The following ULK2 variants were observed in gnomAD, a reference collection of about 807,000 sequenced individuals.
ULK2 encodes serine/threonine-protein kinase ULK2.
In ULK2, 76 loss-of-function variants were observed where a neutral mutation model predicts 127.5. That is an observed-to-expected ratio of 0.60 (90% CI 0.50 to 0.72). The LOEUF (loss-of-function observed/expected upper bound fraction) is 0.72. Ranked by LOEUF, ULK2 falls within the 30% of genes least tolerant of loss-of-function variation. The pLI is 0.00. For missense variants in ULK2, 1,144 were observed against 1,295.9 expected, an observed-to-expected ratio of 0.88 and a Z score of 1.80; for synonymous variants, 452 against 461.9, an observed-to-expected ratio of 0.98 and a Z score of 0.28.
intron 10 of ULK2, among the ~76,000 whole-genome samples, chr17:19,827,910 C>CA (rs777107343): frequency 2.3e-3 from 215 of 92,210 alleles, no homozygotes; most frequent in Admixed American, 5.1e-3. Context: ...AACTCTGTCT[C>CA]AAAAAAAAAA....
Position 19,773,546 on chromosome 17 carries a change from A to G in ULK2, c.*2803T>C, listed in dbSNP as rs1013375790. ...GTTGTTTCTCTCAACTAAAGTTATC[A>G]AAATTGGGTGTTGTAATTTTTAACT... On this transcript the variant is annotated 3_prime_UTR_variant, in exon 27 of 27. Transcript: ENST00000395544. 1.3e-5 allele frequency: 2 copies of G among 152,228 alleles called. No individual in the cohort carries two copies. Among genetic ancestry groups the G allele is most frequent in the Non-Finnish European group, 2.9e-5 (2 of 68,052 alleles). 9.4% of individuals were successfully genotyped at this position (152,228 alleles called of 1,614,324 possible).
chr17:19,857,076 C>T (rs552786727), intron 3 of ULK2, among the ~76,000 whole-genome samples: 5 of 150,314 alleles, frequency 3.3e-5, no homozygotes, highest in African/African-American at 9.8e-5. Context: ...GAGGCCAAGA[C>T]GGGCAGATCA....
At chr17:19,802,029 T>C in intron 15 of ULK2, 107 bp from the exon 16 acceptor site, 1 of 1,234,640 alleles carries the variant, frequency 8.1e-7, no homozygotes, top group Non-Finnish European at 1.1e-6. Flanking sequence ...TTCAAAAATA[T>C]GTAATACAGT....
At chr17:19,845,182 T>G in intron 7 of ULK2, 122 bp downstream of exon 7, 1 of 806,814 alleles carries the variant, frequency 1.2e-6, no homozygotes, top group Non-Finnish European at 2.0e-6. Flanking sequence ...ATAATTAACA[T>G]TAGTAATAAC....
chr17:19,820,399 A>C (rs1302912755), intron 12 of ULK2, among the ~76,000 whole-genome samples: 1 of 152,096 alleles, frequency 6.6e-6, no homozygotes, highest in Non-Finnish European at 1.5e-5. Flanking sequence ...CTTGACCTCC[A>C]AATACTGTCA....
At chr17:19,799,621 T>A (rs370153060) in intron 16 of ULK2, 46 bp from the exon 17 acceptor site, 306 of 1,395,046 alleles carry the variant, frequency 2.2e-4, no homozygotes, top group African/African-American at 2.1e-3. Flanking sequence ...AGAAAAATGA[T>A]CAAAAACCAA....
At chr17:19,813,012 G>A (rs2087677119) in intron 13 of ULK2, among the ~76,000 whole-genome samples, 1 of 152,144 alleles carries the variant, frequency 6.6e-6, no homozygotes, top group Non-Finnish European at 1.5e-5. Context: ...GTACTACACT[G>A]ATAAAAAGAT....
chr17:19,846,358 G>A (rs569518751), intron 6 of ULK2, among the ~76,000 whole-genome samples: 1 of 152,032 alleles, frequency 6.6e-6, no homozygotes, highest in Admixed American at 6.6e-5. Context: ...TCCATCATCT[G>A]GCCAGGTGTG....
intron 10 of ULK2, among the ~76,000 whole-genome samples, chr17:19,835,308 C>T (rs1249715990): frequency 6.6e-6 from 1 of 151,334 alleles, no homozygotes; most frequent in Non-Finnish European, 1.5e-5. Flanking sequence ...TCTTGGTCTC[C>T]TGACCTCGTG....
chr17:19,781,820 C>T, intron 23 of ULK2, 69 bp downstream of exon 23: 1 of 1,527,298 alleles, frequency 6.5e-7, no homozygotes, highest in Non-Finnish European at 8.9e-7. Context: ...GATGACAATA[C>T]CTACAACTTA....
intron 5 of ULK2, chr17:19,848,293 T>G (rs2041937868): frequency 1.3e-5 from 2 of 152,360 alleles, no homozygotes; most frequent in South Asian, 4.1e-4. Flanking sequence ...CTATTTAAAT[T>G]ATTCGTGATG....
At chr17:19,789,195 G>T (rs2087099528) in intron 20 of ULK2, among the ~76,000 whole-genome samples, 2 of 152,210 alleles carry the variant, frequency 1.3e-5, no homozygotes, top group Non-Finnish European at 2.9e-5. Context: ...GGCCACAGGG[G>T]TGTTTGCATC....
At chr17:19,779,734 T>C (rs899823434) in intron 25 of ULK2, among the ~76,000 whole-genome samples, 4 of 152,028 alleles carry the variant, frequency 2.6e-5, no homozygotes, top group African/African-American at 9.7e-5. Flanking sequence ...TCCTACAATA[T>C]CAGTAAGTGG....
At chr17:19,817,810 C>G (rs1315538136) in intron 12 of ULK2, among the ~76,000 whole-genome samples, 2 of 152,166 alleles carry the variant, frequency 1.3e-5, no homozygotes, top group African/African-American at 2.4e-5. Flanking sequence ...TGGTTCACTG[C>G]TGCTGCTCCT....
chr17:19,814,449 T>A (rs1328491912), intron 13 of ULK2, among the ~76,000 whole-genome samples: 1,055 of 52,840 alleles, frequency 0.02, 60 homozygotes, highest in African/African-American at 0.077. Context: ...TTTTTTTTTT[T>A]TTTTTTTTTT....
At chr17:19,811,308 CAT>C (rs1359329668) in intron 13 of ULK2, 4 of 151,928 alleles carry the variant, frequency 2.6e-5, no homozygotes, top group Non-Finnish European at 4.4e-5. Context: ...AGTTTGAAAC[CAT>C]ACATAATTTT....
intron 20 of ULK2, among the ~76,000 whole-genome samples, chr17:19,788,314 T>C (rs2087078968): frequency 6.6e-6 from 1 of 151,648 alleles, no homozygotes; most frequent in East Asian, 2.0e-4. Context: ...ACTCCTTCCT[T>C]CTGCTTGAGG....
intron 17 of ULK2, among the ~76,000 whole-genome samples, chr17:19,798,075 T>C (rs992211210): frequency 1.3e-5 from 2 of 152,220 alleles, no homozygotes; most frequent in African/African-American, 4.8e-5. Context: ...GATAAATCTA[T>C]GTAATTATTC....
chr17:19,853,420 G>A (rs1256895077), intron 3 of ULK2, among the ~76,000 whole-genome samples: 2 of 151,880 alleles, frequency 1.3e-5, no homozygotes, highest in Non-Finnish European at 2.9e-5. Context: ...TTACAAGCAT[G>A]AGCCACCGCA....
Sources: gnomAD v4.1 joint callset for allele counts (sites outside exome capture counted in the v4.1 genomes callset) on GRCh38, gnomAD v4.1.1 for gene constraint, MANE v1.5 for transcripts, NCBI Gene and HGNC (gene_info 2026-07-23, HGNC 2026-07-21) for gene names.